The following FOXP2 variants were observed in gnomAD, a reference collection of about 807,000 sequenced individuals.
FOXP2 encodes the protein forkhead box protein P2.
A neutral mutation model predicts 115.8 loss-of-function variants in FOXP2; 12 were observed. The observed-to-expected ratio is 0.10, with a 90% CI of 0.07 to 0.17. The LOEUF (loss-of-function observed/expected upper bound fraction) is 0.17. FOXP2 is among the 10% of genes least tolerant of loss of function. The pLI, the probability that FOXP2 is intolerant of heterozygous loss-of-function variation, is 1.00. For synonymous variants in FOXP2, 328 were observed against 297.7 expected, an observed-to-expected ratio of 1.10 and a Z score of -1.05; for missense variants, 629 against 843.5, an observed-to-expected ratio of 0.75 and a Z score of 3.15.
At chr7:114,357,680 G>A (rs1041322884) in intron 2 of FOXP2, among the ~76,000 whole-genome samples, 1 of 152,162 alleles carries the variant, frequency 6.6e-6, no homozygotes, top group Non-Finnish European at 1.5e-5. Context: ...GAACTAGGAT[G>A]TATGGTATCC....
At chr7:114,390,522 G>GTATGTATGTATTTATT (rs1554382697) in intron 2 of FOXP2, among the ~76,000 whole-genome samples, 4 of 148,264 alleles carry the variant, frequency 2.7e-5, no homozygotes, top group African/African-American at 9.9e-5. Context: ...TTTTATTTAT[G>GTATGTATGTATTTATT]TATTTATTTA....
chr7:114,168,949 C>T (rs1245346847), intron 1 of FOXP2, among the ~76,000 whole-genome samples: 4 of 152,202 alleles, frequency 2.6e-5, no homozygotes, highest in African/African-American at 9.7e-5. Flanking sequence ...CAAGCTTTGG[C>T]AGCTTCCATG....
At chr7:114,348,287 C>T (rs1791396029) in intron 2 of FOXP2, among the ~76,000 whole-genome samples, 1 of 151,972 alleles carries the variant, frequency 6.6e-6, no homozygotes, top group Admixed American at 6.6e-5. Context: ...GACATCTAAG[C>T]TCACCAAGCT....
chr7:114,100,840 TTG>T (rs1790924716), intron 1 of FOXP2, among the ~76,000 whole-genome samples: 1 of 152,204 alleles, frequency 6.6e-6, no homozygotes, highest in Non-Finnish European at 1.5e-5. Flanking sequence ...TCTAAGCACT[TTG>T]TGTGTACAAA....
intron 1 of FOXP2, among the ~76,000 whole-genome samples, chr7:114,216,575 G>A (rs1443272357): frequency 6.6e-6 from 1 of 151,938 alleles, no homozygotes; most frequent in Non-Finnish European, 1.5e-5. Context: ...GTTTCTAGTA[G>A]AGAATTTTGA....
chr7:114,321,589 A>G (rs1797423363), intron 2 of FOXP2, among the ~76,000 whole-genome samples: 1 of 152,158 alleles, frequency 6.6e-6, no homozygotes, highest in Non-Finnish European at 1.5e-5. Context: ...TTAGAGCAGC[A>G]TCTCATAATC....
chr7:114,601,347 C>CT (rs1414209520), intron 3 of FOXP2, among the ~76,000 whole-genome samples: 1 of 152,060 alleles, frequency 6.6e-6, no homozygotes, highest in Admixed American at 6.6e-5. Context: ...ATGGATCAGC[C>CT]TTTTTGATGT....
intron 2 of FOXP2, among the ~76,000 whole-genome samples, chr7:114,495,012 G>A (rs925233456): frequency 2.0e-5 from 3 of 152,160 alleles, no homozygotes; most frequent in Non-Finnish European, 4.4e-5. Flanking sequence ...TTCTTATGAA[G>A]TTCTTTGTGA....
chr7:114,469,100 G>C (rs1795933769), intron 2 of FOXP2, among the ~76,000 whole-genome samples: 1 of 151,884 alleles, frequency 6.6e-6, no homozygotes, highest in African/African-American at 2.4e-5. Flanking sequence ...TCTTCCTCTT[G>C]GCCTTCTTGA....
intron 2 of FOXP2, chr7:114,297,375 G>T: frequency 1.4e-6 from 1 of 721,432 alleles, no homozygotes; most frequent in Non-Finnish European, 2.3e-6. Flanking sequence ...CACGTTCTTG[G>T]TCACCTTGTG....
chr7:114,199,886 T>C (rs901666677), intron 1 of FOXP2, among the ~76,000 whole-genome samples: 5 of 152,172 alleles, frequency 3.3e-5, no homozygotes, highest in African/African-American at 1.2e-4. Flanking sequence ...TTGCCTAATA[T>C]GGGGTAAAAG....
intron 2 of FOXP2, among the ~76,000 whole-genome samples, chr7:114,525,297 T>C (rs1798807153): frequency 2.0e-5 from 3 of 152,212 alleles, no homozygotes; most frequent in Admixed American, 2.0e-4. Flanking sequence ...CTTTATACTT[T>C]AGCTTTTAAA....
At chr7:114,679,757 T>C (rs1241648765) in intron 16 of FOXP2, among the ~76,000 whole-genome samples, 2 of 152,158 alleles carry the variant, frequency 1.3e-5, no homozygotes, top group African/African-American at 4.8e-5. Context: ...TTACAAAGCC[T>C]ACGTGAAGCT....
chr7:114,637,104 GC>G (rs1207185239), intron 6 of FOXP2, among the ~76,000 whole-genome samples: 5 of 152,150 alleles, frequency 3.3e-5, no homozygotes, highest in African/African-American at 1.2e-4. Flanking sequence ...GATCACTTCA[GC>G]CCAGGTCAGG....
chr7:114,409,876 CCTT>C (rs1452275240), upstream of FOXP2, among the ~76,000 whole-genome samples: 2 of 152,048 alleles, frequency 1.3e-5, no homozygotes, highest in Admixed American at 6.6e-5. Context: ...TTGGGCTTCT[CCTT>C]CTGACACCTC....
At chr7:114,355,370 A>C (rs1443525933) in intron 2 of FOXP2, among the ~76,000 whole-genome samples, 15 of 152,156 alleles carry the variant, frequency 9.9e-5, no homozygotes, top group Admixed American at 9.8e-4. Context: ...TTTTTGGCTT[A>C]GAGTGTGTTC....
intron 16 of FOXP2, 141 bp from the exon 17 acceptor site, chr7:114,689,641 C>G (rs898481212): frequency 1.3e-6 from 1 of 785,280 alleles, no homozygotes; most frequent in East Asian, 2.7e-5. Flanking sequence ...AACCAGCTCA[C>G]GCAATCAATC....
At chr7:114,589,120 ATCTT>A in intron 3 of FOXP2, among the ~76,000 whole-genome samples, 1 of 152,174 alleles carries the variant, frequency 6.6e-6, no homozygotes, top group Non-Finnish European at 1.5e-5. Context: ...AGCCACTAAA[ATCTT>A]TCTGAAGATA....
At chr7:114,630,928 C>T (rs1283009382) in intron 5 of FOXP2, 1 of 154,032 alleles carries the variant, frequency 6.5e-6, no homozygotes, top group Non-Finnish European at 1.4e-5. Context: ...GTCCAAAGAC[C>T]TCTGGTTTGT....
Sources: gnomAD v4.1 joint callset for allele counts (sites outside exome capture counted in the v4.1 genomes callset) on GRCh38, gnomAD v4.1.1 for gene constraint, MANE v1.5 for transcripts, NCBI Gene and HGNC (gene_info 2026-07-23, HGNC 2026-07-21) for gene names.